CAP2: variants seen among roughly 807,000 people sequenced by gnomAD.
The protein encoded by CAP2 is cyclase associated actin cytoskeleton regulatory protein 2.
In CAP2, 24 loss-of-function variants were observed where a neutral mutation model predicts 57.7. The observed-to-expected ratio is 0.42, with a 90% confidence interval of 0.30 to 0.58. The LOEUF (loss-of-function observed/expected upper bound fraction) is 0.58, where lower values mean the gene tolerates loss of function less well. CAP2 is among the 20% of genes least tolerant of loss of function. The probability of loss-of-function intolerance (pLI) is 0.22; values close to 1 mark genes in which losing one functional copy is unlikely to be tolerated. For missense variants in CAP2, 501 were observed against 590.3 expected, an observed-to-expected ratio of 0.85 and a Z score of 1.57; for synonymous variants, 194 against 207.2, an observed-to-expected ratio of 0.94 and a Z score of 0.55.
At chr6:17,535,910 A>C (rs9477475) in intron 7 of CAP2, among the ~76,000 whole-genome samples, 3,083 of 151,654 alleles carry the variant, frequency 0.02, 115 homozygotes, top group African/African-American at 0.07. Flanking sequence ...TTTCTGTGAC[A>C]CAGCCTAGTC....
At chr6:17,482,647 G>A (rs1761321475) in intron 4 of CAP2, among the ~76,000 whole-genome samples, 2 of 152,068 alleles carry the variant, frequency 1.3e-5, no homozygotes, top group Admixed American at 6.5e-5. Flanking sequence ...GTGTTTCGTG[G>A]CTTGTAAATG....
Position 17,496,033 on chromosome 6 carries a change from G to GGGGT in CAP2, c.301-11133_301-11132insTGGG, listed in dbSNP as rs1581568755. ...CTGTGCATGCGTGTGTGGGTGGGGG[G>GGGGT]GGGGGGTAAGTCAGGGAAAACAGGC... On this transcript the variant is annotated intron_variant, in intron 4 of 12. Transcript: ENST00000229922. Among the ~76,000 whole-genome samples the GGGGT allele has an allele frequency of 4.6e-4, 58 of 126,842 alleles. 4 individuals are homozygous for GGGGT. Among genetic ancestry groups the GGGGT allele is most frequent in the Admixed American group, 2.6e-3 (34 of 12,944 alleles). 83.2% of individuals were successfully genotyped at this position (126,842 alleles called of 152,430 possible).
intron 3 of CAP2, among the ~76,000 whole-genome samples, chr6:17,447,114 C>T (rs535476668): frequency 9.9e-5 from 15 of 151,796 alleles, no homozygotes; most frequent in African/African-American, 3.4e-4. Flanking sequence ...CCTCAAACTC[C>T]TGGGCTCAAG....
At chr6:17,448,712 C>T (rs16879738) in intron 3 of CAP2, among the ~76,000 whole-genome samples, 16,858 of 152,014 alleles carry the variant, frequency 0.11, 3,045 homozygotes, top group African/African-American at 0.38. Context: ...GCTTATTTAA[C>T]TTAGACCATG....
intron 4 of CAP2, among the ~76,000 whole-genome samples, chr6:17,468,068 T>C (rs1412990031): frequency 6.6e-6 from 1 of 152,206 alleles, no homozygotes; most frequent in Non-Finnish European, 1.5e-5. Flanking sequence ...CATGCAATGT[T>C]TGCCTTTCTG....
intron 7 of CAP2, among the ~76,000 whole-genome samples, chr6:17,537,223 G>A (rs543164849): frequency 6.1e-4 from 93 of 152,170 alleles, no homozygotes; most frequent in African/African-American, 2.1e-3. Context: ...CTCACTCTCT[G>A]TTTTCCAGGC....
At chr6:17,410,393 G>T (rs1759108374) in intron 1 of CAP2, among the ~76,000 whole-genome samples, 1 of 152,156 alleles carries the variant, frequency 6.6e-6, no homozygotes. Context: ...CTCTCCCCCA[G>T]TGATTCTTAC....
In CAP2 at chr6:17,543,206, G is replaced by C. The variant is rs373123548; in HGVS notation, c.1209+63G>C. On this transcript the variant is annotated intron_variant, in intron 11 of 12. Transcript: ENST00000229922. ...AGCCTTTCCAACCACGCTGTAATAA[G>C]CAGAGCCTTTCCAACCACGCTGTAG... is the stretch of plus-strand genomic sequence containing the variant. The C allele has an allele frequency of 2.9e-6, 4 of 1,382,978 alleles. No individual in the cohort carries two copies. The African/African-American group carries it at 4.3e-5, about 15-fold the overall frequency. The allele number at this position is 1,382,978 out of a possible 1,614,324, so 85.7% of individuals were successfully genotyped here.
chr6:17,473,989 C>A lies in CAP2; in HGVS notation c.300+10916C>A, dbSNP rs1048314061. Reference sequence around the variant, plus strand: ...TAGGAGAAGACAAACTGCTGTAAACCAAGCTAATTGAAATACACTCTGCCT... The same window carrying A: ...TAGGAGAAGACAAACTGCTGTAAACAAAGCTAATTGAAATACACTCTGCCT... On this transcript the variant is annotated intron_variant, in intron 4 of 12. Coordinates refer to ENST00000229922, the MANE Select transcript of CAP2 (RefSeq NM_006366.3). Among the ~76,000 whole-genome samples the A allele has an allele frequency of 3.3e-5, 5 of 151,916 alleles. No individual in the cohort carries two copies. In the South Asian group the frequency reaches 1.0e-3, roughly 32 times the overall value.
At chr6:17,523,467 C>T (rs910942515) in intron 7 of CAP2, among the ~76,000 whole-genome samples, 7 of 151,860 alleles carry the variant, frequency 4.6e-5, no homozygotes, top group African/African-American at 1.7e-4. Flanking sequence ...GGGGAGACCC[C>T]GATGTACGTG....
At chr6:17,472,471 T>C (rs1342066117) in intron 4 of CAP2, among the ~76,000 whole-genome samples, 2 of 152,354 alleles carry the variant, frequency 1.3e-5, no homozygotes, top group Non-Finnish European at 2.9e-5. Context: ...TCTGCTTAAA[T>C]ATAATTTATG....
At chr6:17,400,850 G>A (rs1758791560) in intron 1 of CAP2, among the ~76,000 whole-genome samples, 1 of 140,194 alleles carries the variant, frequency 7.1e-6, no homozygotes, top group Admixed American at 7.0e-5. Flanking sequence ...GGGCAACAGA[G>A]TGAGACTCCG....
At chr6:17,428,067 C>T (rs1759635815) in intron 3 of CAP2, among the ~76,000 whole-genome samples, 1 of 152,124 alleles carries the variant, frequency 6.6e-6, no homozygotes, top group South Asian at 2.1e-4. Context: ...GATTGTACAA[C>T]TATGTGAATA....
At chr6:17,551,123 A>G (rs748888710) in intron 11 of CAP2, among the ~76,000 whole-genome samples, 10 of 152,252 alleles carry the variant, frequency 6.6e-5, no homozygotes, top group Non-Finnish European at 1.3e-4. Flanking sequence ...TTCTTTTATC[A>G]TGAAATCAAA....
intron 7 of CAP2, chr6:17,536,340 C>T (rs957470321): frequency 4.8e-5 from 22 of 455,842 alleles, no homozygotes; most frequent in East Asian, 2.1e-4. Context: ...GTCCACTGTA[C>T]GGTAAAGCAC....
At chr6:17,488,030 T>C (rs1761459495) in intron 4 of CAP2, among the ~76,000 whole-genome samples, 1 of 152,134 alleles carries the variant, frequency 6.6e-6, no homozygotes, top group South Asian at 2.1e-4. Flanking sequence ...GCTCAAGTGA[T>C]CCTCCCGCCT....
At chr6:17,402,118 A>G (rs1758832827) in intron 1 of CAP2, among the ~76,000 whole-genome samples, 1 of 152,178 alleles carries the variant, frequency 6.6e-6, no homozygotes, top group Admixed American at 6.6e-5. Context: ...ATAAAGGTCC[A>G]AATCCTCCTC....
At chr6:17,399,582 C>T (rs1030374843) in intron 1 of CAP2, among the ~76,000 whole-genome samples, 1 of 152,074 alleles carries the variant, frequency 6.6e-6, no homozygotes, top group Non-Finnish European at 1.5e-5. Flanking sequence ...CTTCATCTGC[C>T]CTGTCTAGTT....
intron 7 of CAP2, among the ~76,000 whole-genome samples, chr6:17,534,170 T>C (rs1459075122): frequency 6.6e-6 from 1 of 152,204 alleles, no homozygotes. Context: ...AGATGTATGA[T>C]TCTACATTGT....
Sources: gnomAD v4.1 joint callset for allele counts (sites outside exome capture counted in the v4.1 genomes callset) on GRCh38, gnomAD v4.1.1 for gene constraint, MANE v1.5 for transcripts, NCBI Gene and HGNC (gene_info 2026-07-23, HGNC 2026-07-21) for gene names.